The following ZNF500 variants were observed in gnomAD, a reference collection of about 807,000 sequenced individuals.
ZNF500 encodes the protein zinc finger protein with KRAB and SCAN domains 18.
ZNF500 carries 31 observed loss-of-function variants against 30.1 expected under a neutral mutation model. That is an observed-to-expected ratio of 1.03 (90% CI 0.77 to 1.39). ZNF500 has a LOEUF of 1.39. ZNF500 is among the 40% of genes most tolerant of loss of function. ZNF500 has a pLI of 0.00. For synonymous variants in ZNF500, 392 were observed against 282.0 expected, an observed-to-expected ratio of 1.39 and a Z score of -3.91; for missense variants, 817 against 657.8, an observed-to-expected ratio of 1.24 and a Z score of -2.65.
chr16:4,751,716 T>C lies in ZNF500; in HGVS notation c.*660A>G, dbSNP rs2082079670. 1.4e-6 allele frequency: 2 copies of C among 1,430,502 alleles called. No individual in the cohort carries two copies. The highest frequency in any genetic ancestry group is 1.2e-5 in the South Asian group (1 of 81,862). 88.6% of individuals were successfully genotyped at this position (1,430,502 alleles called of 1,614,324 possible). A position where few individuals can be genotyped will look rare whatever the true frequency, so the allele number is the denominator to read the frequency against. ...TTAGTTAAGATGAGGTCACAGTGTA[T>C]TGGGGGACCCTAAACCCAGTGAGTG... On this transcript the variant is annotated 3_prime_UTR_variant, in exon 6 of 6. Coordinates refer to ENST00000219478, the MANE Select transcript of ZNF500 (RefSeq NM_021646.4).
chr16:4,763,405 GA>G lies in ZNF500; in HGVS notation c.415-650del, dbSNP rs997700753. On this transcript the variant is annotated intron_variant, in intron 2 of 5. Transcript: ENST00000219478. ...AAGAGCGAGACTCCATCTCAGGGAA[GA>G]AAAAAAAAAAAAGAAAAAAAAAAGA... Among the ~76,000 whole-genome samples the G allele has an allele frequency of 3.9e-3, 384 of 97,400 alleles. 2 individuals carry two copies. Among genetic ancestry groups the G allele is most frequent in the East Asian group, 0.035 (123 of 3,514 alleles). The allele number at this position is 97,400 out of a possible 152,430, so 63.9% of individuals were successfully genotyped here.
chr16:4,752,310 C>G lies in ZNF500; in HGVS notation c.*66G>C, dbSNP rs542829478. The G allele has an allele frequency of 2.3e-5, 33 of 1,436,622 alleles. No homozygotes were observed. In the South Asian group the frequency reaches 4.8e-4, roughly 21 times the overall value. The allele number at this position is 1,436,622 out of a possible 1,614,324, so 89.0% of individuals were successfully genotyped here. A position where few individuals can be genotyped will look rare whatever the true frequency, so the allele number is the denominator to read the frequency against. ...TGGCAATGCTTTCGGACCAGGCTGT[C>G]TAGCAGTTTCCTGAATTCTGTGCCC... is the stretch of plus-strand genomic sequence containing the variant. On this transcript the variant is annotated 3_prime_UTR_variant, in exon 6 of 6. Coordinates refer to ENST00000219478, the MANE Select transcript of ZNF500 (RefSeq NM_021646.4).
chr16:4,745,666 C>T (rs1446440931), downstream of ZNF500, among the ~76,000 whole-genome samples: 2 of 152,166 alleles, frequency 1.3e-5, no homozygotes, highest in African/African-American at 4.8e-5. Context: ...AGTGGCTACA[C>T]CTGGCTGGGC....
downstream of ZNF500, chr16:4,747,533 C>G (rs955282421): frequency 9.9e-6 from 16 of 1,612,908 alleles, no homozygotes; most frequent in Non-Finnish European, 1.4e-5. Context: ...CGCCCAGGCT[C>G]GACTCCCAAG....
At chr16:4,746,893 G>C (rs1465771511), downstream of ZNF500, 3 of 1,505,664 alleles carry the variant, frequency 2.0e-6, no homozygotes, top group African/African-American at 4.2e-5. Flanking sequence ...CAGGTGGAGT[G>C]GGCACATCCA....
rs762857241 is a variant in ZNF500, at chr16:4,752,816, T to C, written c.1003A>G (p.Ser335Gly). Residue 335 changes from serine to glycine, a missense_variant, in exon 6 of 6, where the codon AGC (serine) becomes GGC (glycine). Coordinates refer to ENST00000219478, the MANE Select transcript of ZNF500 (RefSeq NM_021646.4). ...YTCPECGKGF[S>G]KTSHLTKHQR... ...TGCTTGGTCAAGTGGGACGTCTTGC[T>C]GAAGCCTTTGCCACATTCGGGGCAG... The C allele has an allele frequency of 6.2e-7, 1 of 1,614,272 alleles. No individual in the cohort carries two copies. Among genetic ancestry groups the C allele is most frequent in the South Asian group, 1.1e-5 (1 of 91,092 alleles).
intron 2 of ZNF500, among the ~76,000 whole-genome samples, chr16:4,765,240 G>A (rs2082251157): frequency 6.6e-6 from 1 of 152,048 alleles, no homozygotes; most frequent in Non-Finnish European, 1.5e-5. Context: ...GGTAGAGGCT[G>A]CAATGAGCGG....
intron 4 of ZNF500, among the ~76,000 whole-genome samples, chr16:4,761,087 G>C (rs1011455011): frequency 6.6e-6 from 1 of 152,104 alleles, no homozygotes; most frequent in African/African-American, 2.4e-5. Flanking sequence ...AGAGGCTGAG[G>C]GAAAAACAGG....
chr16:4,753,208 C>A, intron 5 of ZNF500, 150 bp from the exon 6 acceptor site: 1 of 1,378,852 alleles, frequency 7.3e-7, no homozygotes, highest in Middle Eastern at 2.2e-4. Context: ...CGCCTATAAT[C>A]CCAGCACTTT....
chr16:4,762,246 T>A, intron 4 of ZNF500, 25 bp downstream of exon 4: 1 of 1,608,550 alleles, frequency 6.2e-7, no homozygotes, highest in Non-Finnish European at 8.5e-7. Flanking sequence ...CCCAGGATGC[T>A]GCAGACCAGG....
chr16:4,752,313 G>A lies in ZNF500; in HGVS notation c.*63C>T. ...CAATGCTTTCGGACCAGGCTGTCTAGCAGTTTCCTGAATTCTGTGCCCAGG... is the reference window on the plus strand; with the variant it reads ...CAATGCTTTCGGACCAGGCTGTCTAACAGTTTCCTGAATTCTGTGCCCAGG... On this transcript the variant is annotated 3_prime_UTR_variant, in exon 6 of 6. Transcript: ENST00000219478. The A allele has an allele frequency of 7.0e-7, 1 of 1,436,990 alleles. No homozygotes were observed. The highest frequency in any genetic ancestry group is 9.1e-7 in the Non-Finnish European group (1 of 1,100,038). The allele number at this position is 1,436,990 out of a possible 1,614,324, so 89.0% of individuals were successfully genotyped here.
rs2082091872 is a variant in ZNF500 at position 4,752,505 on chromosome 16, G to A, written c.1314C>T (p.Thr438=). ...GGAAGCCCCGGCCACAGGCCGGGCA[G>A]GTGTAGGGCTTCTCACCTGTGTGCG... ...RRTHTGEKPY[T]CPACGRGFRR... is the part of the protein sequence containing the mutation. The change falls in exon 6 of 6, where the codon ACC becomes ACT. Residue 438 remains threonine, a synonymous_variant. Coordinates refer to ENST00000219478, the MANE Select transcript of ZNF500 (RefSeq NM_021646.4). The A allele has an allele frequency of 1.9e-5, 29 of 1,555,654 alleles. No individual in the cohort carries two copies. Among genetic ancestry groups the A allele is most frequent in the Middle Eastern group, 1.7e-4 (1 of 5,998 alleles).
At chr16:4,753,111 A>T in intron 5 of ZNF500, 53 bp from the exon 6 acceptor site, 1 of 1,493,700 alleles carries the variant, frequency 6.7e-7, no homozygotes, top group South Asian at 1.4e-5. Context: ...GGGCAAGGGA[A>T]ATCCTTCTAA....
rs2082079166 is a variant in ZNF500, at chr16:4,751,671, C to T, written c.*705G>A. The stretch of plus-strand genomic sequence containing the variant: ...CTCAGAATGTGACCTTATTTGGAAA[C>T]ACGGGTTTTGATGATATAATTAGTT... On this transcript the variant is annotated 3_prime_UTR_variant, in exon 6 of 6. Transcript: ENST00000219478. 6.5e-7 allele frequency: 1 copy of T among 1,529,136 alleles called. No homozygotes were observed. Among genetic ancestry groups the T allele is most frequent in the African/African-American group, 1.4e-5 (1 of 72,994 alleles). 94.7% of individuals were successfully genotyped at this position (1,529,136 alleles called of 1,614,324 possible).
intron 2 of ZNF500, 150 bp downstream of exon 2, chr16:4,765,415 G>A (rs891264059): frequency 4.5e-6 from 5 of 1,101,984 alleles, no homozygotes; most frequent in African/African-American, 1.6e-5. Flanking sequence ...ATTAGCCAAG[G>A]CTGAGAAATC....
At chr16:4,746,867 A>C (rs2082023543), downstream of ZNF500, 3 of 1,435,788 alleles carry the variant, frequency 2.1e-6, no homozygotes, top group Non-Finnish European at 2.8e-6. Context: ...TCAAGCCCCA[A>C]CAAGAGTTGG....
intron 5 of ZNF500, among the ~76,000 whole-genome samples, chr16:4,756,128 T>A (rs982391291): frequency 6.6e-6 from 1 of 152,180 alleles, no homozygotes; most frequent in Admixed American, 6.5e-5. Context: ...CCAGGCCTGA[T>A]AGCTCACGCC....
At chr16:4,764,136 G>A (rs1018232025) in intron 2 of ZNF500, 3 of 979,088 alleles carry the variant, frequency 3.1e-6, no homozygotes, top group Admixed American at 6.2e-5. Context: ...TGTGTCAGAA[G>A]GGTCCTGTCT....
downstream of ZNF500, among the ~76,000 whole-genome samples, chr16:4,745,452 GC>G (rs2082003060): frequency 6.6e-6 from 1 of 152,214 alleles, no homozygotes; most frequent in South Asian, 2.1e-4. Context: ...CACCTGTCCT[GC>G]CACAGGGAGA....
Sources: gnomAD v4.1 joint callset for allele counts (sites outside exome capture counted in the v4.1 genomes callset) on GRCh38, gnomAD v4.1.1 for gene constraint, MANE v1.5 for transcripts, NCBI Gene and HGNC (gene_info 2026-07-23, HGNC 2026-07-21) for gene names.